Variants in FRMPD4 observed in about 807,000 individuals in gnomAD.
FRMPD4 encodes FERM and PDZ domain containing 4, also known as FERM and PDZ domain-containing protein 4.
In FRMPD4, 22 loss-of-function variants were observed where a neutral mutation model predicts 94.1. The observed-to-expected ratio is 0.23, with a 90% CI of 0.17 to 0.33. FRMPD4 has a LOEUF of 0.33. FRMPD4 is among the 10% of genes least tolerant of loss of function. FRMPD4 has a pLI of 1.00. For missense variants in FRMPD4, 1,111 were observed against 1,339.9 expected (o/e 0.83, Z 2.67); for synonymous variants, 631 against 548.6 (o/e 1.15, Z -2.10).
At chrX:11,825,105 A>G (rs984864221) in intron 1 of FRMPD4, among the ~76,000 whole-genome samples, 4 of 109,793 alleles carry the variant, frequency 3.6e-5, no homozygotes, top group Admixed American at 9.8e-5. Context: ...CAAGAACAGA[A>G]ATAGAGTTTC....
At chrX:12,546,358 C>T (rs188387474) in intron 2 of FRMPD4, among the ~76,000 whole-genome samples, 9 of 111,040 alleles carry the variant, frequency 8.1e-5, no homozygotes, top group Non-Finnish European at 1.5e-4. Flanking sequence ...TTGTATTTTT[C>T]GTAGAGACCA....
chrX:11,913,243 C>T (rs1234466498), intron 3 of FRMPD4, among the ~76,000 whole-genome samples: 2 of 112,117 alleles, frequency 1.8e-5, no homozygotes, highest in Admixed American at 9.4e-5. Flanking sequence ...TCCATTTTCC[C>T]GGCATGTCCC....
At chrX:12,121,074 TATA>T (rs1226140090) in intron 3 of FRMPD4, among the ~76,000 whole-genome samples, 2 of 109,001 alleles carry the variant, frequency 1.8e-5, no homozygotes, top group East Asian at 5.6e-4. Context: ...ATTTGCTATT[TATA>T]ATAATACTAA....
chrX:11,917,119 G>A (rs902459140), intron 3 of FRMPD4, among the ~76,000 whole-genome samples: 1 of 112,154 alleles, frequency 8.9e-6, no homozygotes, highest in East Asian at 2.8e-4. Context: ...CATAAAAGTG[G>A]CCAATGAACA....
At chrX:11,864,550 G>C (rs2053707767) in intron 1 of FRMPD4, among the ~76,000 whole-genome samples, 1 of 111,654 alleles carries the variant, frequency 9.0e-6, no homozygotes, top group Admixed American at 9.5e-5. Context: ...TGACTGAGGG[G>C]TTATTTAGCA....
Position 12,721,717 on chromosome X carries a change from T to C in FRMPD4, c.5148T>C (p.Ile1716=), listed in dbSNP as rs916336232. 1 of 753,039 alleles carries C rather than the reference T, an allele frequency of 1.3e-6. No homozygotes were observed. The highest frequency in any genetic ancestry group is 2.3e-5 in the African/African-American group (1 of 42,970). 62.1% of individuals were successfully genotyped at this position (753,039 alleles called of 1,213,427 possible). ...GKIDEVVINY[I]CLLKAAEAAT... is the part of the protein sequence containing the mutation. ...TCGATGAAGTGGTCATAAATTACAT[T>C]TGTCTACTGAAAGCTGCCGAAGCAG... The change falls in exon 17 of 17, where the codon ATT becomes ATC. Residue 1716 remains isoleucine, a synonymous_variant. Transcript: ENST00000675598.
chrX:12,705,496 T>A (rs4830797), intron 11 of FRMPD4, among the ~76,000 whole-genome samples: 1 of 109,137 alleles, frequency 9.2e-6, no homozygotes, highest in Admixed American at 9.8e-5. Context: ...CTGGGTAAGG[T>A]ACATTTATTT....
At chrX:12,198,458 C>A (rs1476003969) in intron 1 of FRMPD4, among the ~76,000 whole-genome samples, 2 of 111,974 alleles carry the variant, frequency 1.8e-5, no homozygotes, top group African/African-American at 6.5e-5. Context: ...CCCCGACTTA[C>A]CAAATCCCAG....
intron 1 of FRMPD4, among the ~76,000 whole-genome samples, chrX:12,184,382 G>A (rs996364111): frequency 3.6e-5 from 4 of 111,651 alleles, no homozygotes; most frequent in African/African-American, 1.3e-4. Flanking sequence ...TGATTTCAAA[G>A]TTCAGTCTCT....
Position 11,925,785 on chromosome X carries a change from C to A in FRMPD4, c.95+47767C>A, listed in dbSNP as rs775332874. Among the ~76,000 whole-genome samples, 21 of 111,401 alleles carry A rather than the reference C, an allele frequency of 1.9e-4. 1 individual carries two copies. Among genetic ancestry groups the A allele is most frequent in the African/African-American group, 6.8e-4 (21 of 30,695 alleles). The stretch of plus-strand genomic sequence containing the variant: ...GGAGGGAAATTTATAGCACTAAATG[C>A]CCACATTGAAAAAGTTAGAAAGATC... On this transcript the variant is annotated intron_variant, in intron 3 of 18. Coordinates refer to the FRMPD4 transcript ENST00000640291.
chrX:12,416,558 G>A (rs1340739935), intron 1 of FRMPD4, among the ~76,000 whole-genome samples: 5 of 112,291 alleles, frequency 4.5e-5, no homozygotes, highest in Non-Finnish European at 7.5e-5. Flanking sequence ...CTTAATAGTT[G>A]TGGCATTTTC....
At chrX:12,173,652 A>T (rs1455842357) in intron 1 of FRMPD4, among the ~76,000 whole-genome samples, 1 of 111,573 alleles carries the variant, frequency 9.0e-6, no homozygotes, top group Non-Finnish European at 1.9e-5. Flanking sequence ...ATTTAGGATC[A>T]TTTAGGAATT....
chrX:12,696,651 G>A (rs2060136276), intron 9 of FRMPD4, among the ~76,000 whole-genome samples: 1 of 105,971 alleles, frequency 9.4e-6, no homozygotes, highest in Non-Finnish European at 1.9e-5. Flanking sequence ...AAGATTGCTG[G>A]AGCCATATAT....
At position 12,463,692 on chromosome X, in the gene FRMPD4, G is replaced by GT. The variant is rs1235218164; in HGVS notation, c.42-34983dup. 1.0e-2 allele frequency among the ~76,000 whole-genome samples: 815 copies of GT among 81,744 alleles called. 25 individuals are homozygous for GT. Among genetic ancestry groups the GT allele is most frequent in the African/African-American group, 0.037 (754 of 20,623 alleles). The allele number at this position is 81,744 out of a possible 115,157, so 71.0% of individuals were successfully genotyped here. On this transcript the variant is annotated intron_variant, in intron 1 of 16. Coordinates refer to ENST00000675598, the MANE Select transcript of FRMPD4 (RefSeq NM_001368397.1). ...CCTCCTATGTGTGTGTTTTTTTTTT[G>GT]TTTTTGTTTTTTTTTTTTAACAGAG... is the stretch of plus-strand genomic sequence containing the variant.
intron 1 of FRMPD4, among the ~76,000 whole-genome samples, chrX:12,139,939 A>G (rs1403337797): frequency 8.9e-6 from 1 of 112,202 alleles, no homozygotes; most frequent in Non-Finnish European, 1.9e-5. Context: ...TCCAGGATGT[A>G]GCTTAAAAAC....
intron 4 of FRMPD4, among the ~76,000 whole-genome samples, chrX:12,631,070 G>T (rs978738323): frequency 9.0e-6 from 1 of 111,078 alleles, no homozygotes; most frequent in East Asian, 2.8e-4. Flanking sequence ...GCATGGAAGG[G>T]TTTTACAAAA....
intron 1 of FRMPD4, among the ~76,000 whole-genome samples, chrX:12,206,885 T>C (rs1351233600): frequency 8.9e-6 from 1 of 112,534 alleles, no homozygotes; most frequent in Non-Finnish European, 1.9e-5. Flanking sequence ...ACTAGAACTT[T>C]TGACTGATAA....
chrX:12,473,337 C>A (rs774114163), intron 1 of FRMPD4, among the ~76,000 whole-genome samples: 6 of 110,214 alleles, frequency 5.4e-5, no homozygotes, highest in Non-Finnish European at 1.1e-4. Context: ...AAAGGAACAA[C>A]TGGTACCAGC....
intron 3 of FRMPD4, among the ~76,000 whole-genome samples, chrX:12,611,890 A>C (rs1378747540): frequency 9.0e-6 from 1 of 110,619 alleles, no homozygotes; most frequent in African/African-American, 3.3e-5. Flanking sequence ...AAAAAAAAAA[A>C]TAGAAACAAT....
Sources: gnomAD v4.1 joint callset for allele counts (sites outside exome capture counted in the v4.1 genomes callset) on GRCh38, gnomAD v4.1.1 for gene constraint, MANE v1.5 for transcripts, NCBI Gene and HGNC (gene_info 2026-07-23, HGNC 2026-07-21) for gene names.